The following STK3 variants were observed in gnomAD, a reference collection of about 807,000 sequenced individuals.
STK3 encodes serine/threonine-protein kinase 3.
In STK3, 41 loss-of-function variants were observed where a neutral mutation model predicts 58.0. The observed-to-expected ratio is 0.71, with a 90% CI of 0.55 to 0.92. The LOEUF (loss-of-function observed/expected upper bound fraction) is 0.92. Among genes scored for constraint, STK3 ranks in the 40% least tolerant of loss-of-function variants. The probability of loss-of-function intolerance (pLI) is 0.00; values close to 1 mark genes in which losing one functional copy is unlikely to be tolerated. For synonymous variants in STK3, 170 were observed against 191.0 expected (o/e 0.89, Z 0.91); for missense variants, 479 against 602.7 (o/e 0.79, Z 2.15).
chr8:98,537,363 C>T (rs1440595985), intron 9 of STK3, among the ~76,000 whole-genome samples: 1 of 152,102 alleles, frequency 6.6e-6, no homozygotes, highest in Non-Finnish European at 1.5e-5. Flanking sequence ...TGGGAGGGGG[C>T]AGCTGCAATT....
chr8:98,922,914 T>C (rs2132013814), intron 1 of STK3, among the ~76,000 whole-genome samples: 1 of 152,378 alleles, frequency 6.6e-6, no homozygotes, highest in South Asian at 2.1e-4. Flanking sequence ...TTATGTTTAT[T>C]AGCAAACCCT....
At chr8:98,765,277 T>C (rs1830871121) in intron 3 of STK3, among the ~76,000 whole-genome samples, 2 of 152,214 alleles carry the variant, frequency 1.3e-5, no homozygotes, top group Admixed American at 6.5e-5. Context: ...TCTTTTTTTT[T>C]CCTATAACCA....
intron 3 of STK3, among the ~76,000 whole-genome samples, chr8:98,406,564 A>T (rs1223627693): frequency 6.6e-6 from 1 of 152,146 alleles, no homozygotes; most frequent in Non-Finnish European, 1.5e-5. Flanking sequence ...TTACAGGTTT[A>T]TTAAGTGTAT....
intron 4 of STK3, among the ~76,000 whole-genome samples, chr8:98,741,631 C>A (rs1181271984): frequency 2.0e-5 from 3 of 152,164 alleles, no homozygotes; most frequent in South Asian, 2.1e-4. Flanking sequence ...TAAATGCCCA[C>A]AAGAGAAAGC....
At chr8:98,505,111 C>T (rs746252193) in intron 10 of STK3, among the ~76,000 whole-genome samples, 1 of 151,954 alleles carries the variant, frequency 6.6e-6, no homozygotes, top group African/African-American at 2.4e-5. Flanking sequence ...TTTTCTCTAA[C>T]CTTGTCCTCT....
chr8:98,603,123 T>C (rs1221235949), intron 6 of STK3: 2 of 152,098 alleles, frequency 1.3e-5, no homozygotes, highest in African/African-American at 4.8e-5. Flanking sequence ...AATGGTATTA[T>C]GTCAAAAGGA....
At chr8:98,511,510 T>C (rs1824513275) in intron 10 of STK3, among the ~76,000 whole-genome samples, 1 of 152,114 alleles carries the variant, frequency 6.6e-6, no homozygotes. Context: ...TACAAGAAGC[T>C]AAATATATTA....
At chr8:98,368,004 A>G (rs1172515727), downstream of STK3, among the ~76,000 whole-genome samples, 1 of 152,178 alleles carries the variant, frequency 6.6e-6, no homozygotes, top group African/African-American at 2.4e-5. Context: ...CACCACTCAC[A>G]TCTGCGCTGT....
chr8:98,858,323 T>TAGAGAGAGAGAGAGAGAGAGAGAGAG (rs1554691273), intron 3 of STK3, among the ~76,000 whole-genome samples: 1 of 16,262 alleles, frequency 6.1e-5, no homozygotes, highest in Non-Finnish European at 1.0e-4. Flanking sequence ...TATATATATA[T>TAGAGAGAGAGAGAGAGAGAGAGAGAG]AGAGAGAGAG....
chr8:98,747,230 T>G (rs146095895), intron 4 of STK3, among the ~76,000 whole-genome samples: 1 of 151,916 alleles, frequency 6.6e-6, no homozygotes, highest in African/African-American at 2.4e-5. Flanking sequence ...ATATAAACAT[T>G]TGCAATACAA....
rs768234102 is a variant in STK3 at position 98,428,816 on chromosome 8, G to A, written n.483+5311C>T. 1.2e-6 allele frequency: 2 copies of A among 1,614,198 alleles called. No homozygotes were observed. Among genetic ancestry groups the A allele is most frequent in the Admixed American group, 1.7e-5 (1 of 60,028 alleles). ...TTTACATCACTCTGGTGGTGAACCTGGTGGTGGAGAGCACACCTACTTTAG... is the reference window on the plus strand; with the variant it reads ...TTTACATCACTCTGGTGGTGAACCTAGTGGTGGAGAGCACACCTACTTTAG... On this transcript the variant is annotated intron_variant and non_coding_transcript_variant, in intron 3 of 3. Transcript: ENST00000517832. The surrounding 1 kb of genome is among the most constrained non-coding windows in gnomAD (Gnocchi z 6.7).
At chr8:98,766,394 G>A (rs1830949413) in intron 3 of STK3, among the ~76,000 whole-genome samples, 1 of 152,150 alleles carries the variant, frequency 6.6e-6, no homozygotes, top group Non-Finnish European at 1.5e-5. Context: ...ACATAATACA[G>A]ACTGTTAAAT....
chr8:98,500,609 C>T (rs1321462191), intron 10 of STK3, among the ~76,000 whole-genome samples: 2 of 151,824 alleles, frequency 1.3e-5, no homozygotes, highest in Non-Finnish European at 2.9e-5. Context: ...GTTTTTGTTG[C>T]CACTGCTTTT....
intron 1 of STK3, chr8:98,438,522 G>C (rs1380787611): frequency 6.6e-6 from 1 of 152,242 alleles, no homozygotes; most frequent in Non-Finnish European, 1.5e-5. Flanking sequence ...CCATTTGCCA[G>C]GCCCTGTGCT....
At chr8:98,617,349 A>G (rs1455903170) in intron 6 of STK3, among the ~76,000 whole-genome samples, 4 of 141,704 alleles carry the variant, frequency 2.8e-5, no homozygotes, top group African/African-American at 1.1e-4. Context: ...AAATGCCCAC[A>G]AGAGAAAGCA....
At chr8:98,579,018 G>C (rs1024283127) in intron 8 of STK3, among the ~76,000 whole-genome samples, 5 of 152,058 alleles carry the variant, frequency 3.3e-5, no homozygotes, top group African/African-American at 1.2e-4. Flanking sequence ...AGGCATGGTA[G>C]TGTGCGCCTG....
At chr8:98,857,312 A>G (rs189355390) in intron 3 of STK3, among the ~76,000 whole-genome samples, 1 of 152,332 alleles carries the variant, frequency 6.6e-6, no homozygotes, top group Non-Finnish European at 1.5e-5. Context: ...AAAAGCTTTG[A>G]ACATCTAGTG....
At chr8:98,710,792 T>C (rs1049489396) in intron 4 of STK3, among the ~76,000 whole-genome samples, 2 of 152,196 alleles carry the variant, frequency 1.3e-5, no homozygotes, top group South Asian at 2.1e-4. Context: ...AAGAGAGTAG[T>C]GGTTCTCCCA....
intron 6 of STK3, among the ~76,000 whole-genome samples, chr8:98,635,872 C>T (rs961382171): frequency 6.6e-6 from 1 of 152,046 alleles, no homozygotes; most frequent in Admixed American, 6.6e-5. Flanking sequence ...ACCCCTACTT[C>T]AAACCCCAAT....
Sources: allele counts gnomAD v4.1 joint callset (sites outside exome capture counted in the v4.1 genomes callset), GRCh38; gene constraint gnomAD v4.1.1; non-coding constraint Gnocchi (gnomAD v3.1); transcripts MANE v1.5; gene names NCBI Gene and HGNC (gene_info 2026-07-23, HGNC 2026-07-21).